The following CSMD1 variants were observed in gnomAD, a reference collection of about 807,000 sequenced individuals.
The protein encoded by CSMD1 is CUB and sushi domain-containing protein 1.
A neutral mutation model predicts 417.5 loss-of-function variants in CSMD1; 213 were observed. The ratio of observed to expected loss-of-function variants is 0.51; its 90% CI spans 0.46 to 0.57. The LOEUF (loss-of-function observed/expected upper bound fraction) is 0.57, where lower values mean the gene tolerates loss of function less well. Ranked by LOEUF, CSMD1 falls within the 20% of genes least tolerant of loss-of-function variation. CSMD1 has a pLI of 0.00. For missense variants in CSMD1, 6,923 were observed against 4,529.7 expected (o/e 1.53, Z -15.17); for synonymous variants, 2,862 against 1,736.8 (o/e 1.65, Z -16.11).
intron 1 of CSMD1, among the ~76,000 whole-genome samples, chr8:4,847,060 G>C (rs905842463): frequency 6.6e-6 from 1 of 151,970 alleles, no homozygotes; most frequent in East Asian, 1.9e-4. Flanking sequence ...GATAATTGGC[G>C]AACTTTGTCA....
chr8:4,143,519 A>C (rs1803922758), intron 3 of CSMD1, among the ~76,000 whole-genome samples: 1 of 150,968 alleles, frequency 6.6e-6, no homozygotes, highest in Non-Finnish European at 1.5e-5. Flanking sequence ...AGAAGTTGAT[A>C]TTAAGTTTAT....
intron 3 of CSMD1, among the ~76,000 whole-genome samples, chr8:4,088,810 G>C (rs553710213): frequency 2.9e-4 from 44 of 152,030 alleles, no homozygotes; most frequent in Non-Finnish European, 5.3e-4. Context: ...TGATCCCTCA[G>C]CATGTGGACT....
In CSMD1 at chr8:3,534,885, G is replaced by T. The variant is rs143776141; in HGVS notation, c.1344+40060C>A. On this transcript the variant is annotated intron_variant, in intron 10 of 69. Transcript: ENST00000635120. ...TCATCAACCATCTGGGAGCTACTTG[G>T]TACAAATGGTTTAGTCCAGAATTCA... Among the ~76,000 whole-genome samples the T allele has an allele frequency of 3.9e-5, 6 of 152,280 alleles. No homozygotes were observed. The East Asian group carries it at 1.2e-3, about 29-fold the overall frequency.
At chr8:4,202,659 T>C (rs1344074422) in intron 3 of CSMD1, among the ~76,000 whole-genome samples, 1 of 152,312 alleles carries the variant, frequency 6.6e-6, no homozygotes, top group East Asian at 1.9e-4. Context: ...ACCAACCCTG[T>C]AGCTACACTC....
Position 4,093,650 on chromosome 8 carries a change from G to C in CSMD1, c.416-61551C>G, listed in dbSNP as rs114579010. 4.8e-3 allele frequency among the ~76,000 whole-genome samples: 734 copies of C among 152,250 alleles called. 5 individuals are homozygous for C. Among genetic ancestry groups the C allele is most frequent in the African/African-American group, 0.017 (703 of 41,558 alleles). On this transcript the variant is annotated intron_variant, in intron 3 of 69. Transcript: ENST00000635120. ...AGCCAACTATGATTGAGAGGAGAAAGTGAATTTTAAAAAGGAAAGCAACAG... is the reference window on the plus strand; with the variant it reads ...AGCCAACTATGATTGAGAGGAGAAACTGAATTTTAAAAAGGAAAGCAACAG...
At chr8:3,717,123 C>T (rs1049881584) in intron 6 of CSMD1, among the ~76,000 whole-genome samples, 1 of 152,104 alleles carries the variant, frequency 6.6e-6, no homozygotes. Context: ...AAATTATAGC[C>T]CTGACTTTAA....
intron 22 of CSMD1, among the ~76,000 whole-genome samples, chr8:3,346,533 T>C (rs939036274): frequency 6.6e-6 from 1 of 152,230 alleles, no homozygotes; most frequent in Admixed American, 6.5e-5. Flanking sequence ...CAAAAGACTA[T>C]TAAAATGAAA....
At chr8:4,441,200 G>C (rs1337793089) in intron 2 of CSMD1, among the ~76,000 whole-genome samples, 1 of 131,024 alleles carries the variant, frequency 7.6e-6, no homozygotes, top group East Asian at 2.4e-4. Flanking sequence ...CTGGGATCAA[G>C]CAATCCTCGC....
intron 18 of CSMD1, among the ~76,000 whole-genome samples, chr8:3,382,967 G>A (rs1455567278): frequency 1.3e-5 from 2 of 152,108 alleles, no homozygotes; most frequent in African/African-American, 2.4e-5. Context: ...TCACAGGCAT[G>A]GCCACTTAAA....
At chr8:4,312,142 T>C (rs1054331683) in intron 3 of CSMD1, among the ~76,000 whole-genome samples, 1 of 151,968 alleles carries the variant, frequency 6.6e-6, no homozygotes, top group Non-Finnish European at 1.5e-5. Flanking sequence ...AAATATATTA[T>C]CTTTACACAC....
chr8:3,155,710 TA>T (rs1435832638), intron 39 of CSMD1, among the ~76,000 whole-genome samples: 2 of 152,188 alleles, frequency 1.3e-5, no homozygotes, highest in East Asian at 3.9e-4. Flanking sequence ...TCAATGTTTT[TA>T]GCTGACATGT....
At chr8:4,192,887 A>G (rs150694600) in intron 3 of CSMD1, among the ~76,000 whole-genome samples, 12 of 152,318 alleles carry the variant, frequency 7.9e-5, no homozygotes, top group African/African-American at 1.9e-4. Flanking sequence ...ACTTGATTCC[A>G]TAAGTCACAC....
chr8:4,226,322 C>A (rs1023322455), intron 3 of CSMD1, among the ~76,000 whole-genome samples: 2 of 152,084 alleles, frequency 1.3e-5, no homozygotes, highest in Non-Finnish European at 2.9e-5. Context: ...GAATTAGAGA[C>A]CATCAAATAC....
chr8:4,991,943 T>C (rs1298240816), intron 1 of CSMD1, among the ~76,000 whole-genome samples: 5 of 152,050 alleles, frequency 3.3e-5, no homozygotes, highest in African/African-American at 9.6e-5. Flanking sequence ...GGCCAGACAA[T>C]AGCGCAGTGA....
chr8:3,124,944 G>C (rs577069499), intron 41 of CSMD1, among the ~76,000 whole-genome samples: 88 of 152,274 alleles, frequency 5.8e-4, no homozygotes, highest in African/African-American at 2.0e-3. Context: ...CTAAGTAAGA[G>C]CATCAGTTAC....
At chr8:3,680,179 T>G (rs888647282) in intron 7 of CSMD1, among the ~76,000 whole-genome samples, 16 of 151,278 alleles carry the variant, frequency 1.1e-4, no homozygotes, top group Admixed American at 4.6e-4. Flanking sequence ...AAGAAACAAC[T>G]CAGATCAGAG....
At chr8:4,599,832 C>T (rs1420639353) in intron 2 of CSMD1, among the ~76,000 whole-genome samples, 1 of 152,212 alleles carries the variant, frequency 6.6e-6, no homozygotes, top group Non-Finnish European at 1.5e-5. Flanking sequence ...AATGCTCCTA[C>T]ATATGCAAAT....
intron 3 of CSMD1, among the ~76,000 whole-genome samples, chr8:4,410,216 G>T (rs753217069): frequency 1.3e-5 from 2 of 152,142 alleles, no homozygotes; most frequent in Admixed American, 6.5e-5. Context: ...AACAGTTTAG[G>T]TAACTAATTC....
At chr8:2,980,373 T>C (rs993289486) in intron 54 of CSMD1, among the ~76,000 whole-genome samples, 30 of 151,356 alleles carry the variant, frequency 2.0e-4, no homozygotes, top group African/African-American at 7.0e-4. Flanking sequence ...TGTCCTTTCT[T>C]CCTCCTCCTC....
Sources: gnomAD v4.1 joint callset for allele counts (sites outside exome capture counted in the v4.1 genomes callset) on GRCh38, gnomAD v4.1.1 for gene constraint, MANE v1.5 for transcripts, NCBI Gene and HGNC (gene_info 2026-07-23, HGNC 2026-07-21) for gene names.